The following BAIAP2L1 variants were observed in gnomAD, a reference collection of about 807,000 sequenced individuals.
The protein encoded by BAIAP2L1 is BAR/IMD domain-containing adapter protein 2-like 1.
Under a neutral mutation model 66.3 loss-of-function variants are expected in BAIAP2L1, and 35 were observed. That is an observed-to-expected ratio of 0.53 (90% CI 0.40 to 0.70). The LOEUF (loss-of-function observed/expected upper bound fraction) is 0.70, where lower values mean the gene tolerates loss of function less well. Among genes scored for constraint, BAIAP2L1 ranks in the 30% least tolerant of loss-of-function variants. The probability of loss-of-function intolerance (pLI) is 0.00; values close to 1 mark genes in which losing one functional copy is unlikely to be tolerated. For missense variants in BAIAP2L1, 622 were observed against 656.9 expected (o/e 0.95, Z 0.58); for synonymous variants, 269 against 248.7 (o/e 1.08, Z -0.77).
intron 3 of BAIAP2L1, among the ~76,000 whole-genome samples, chr7:98,348,677 T>C (rs1801931542): frequency 6.6e-6 from 1 of 152,174 alleles, no homozygotes. Context: ...GTTTTTAAAT[T>C]CTGAAATATT....
At chr7:98,371,442 T>C (rs1026014709) in intron 1 of BAIAP2L1, among the ~76,000 whole-genome samples, 1 of 152,192 alleles carries the variant, frequency 6.6e-6, no homozygotes, top group Non-Finnish European at 1.5e-5. Context: ...GGAAAATTAG[T>C]GATTAGCTAT....
intron 2 of BAIAP2L1, among the ~76,000 whole-genome samples, chr7:98,361,960 G>GA (rs1306872488): frequency 2.0e-5 from 3 of 151,800 alleles, no homozygotes; most frequent in Non-Finnish European, 2.9e-5. Flanking sequence ...ACACATCGGG[G>GA]AAAAAAAGAT....
rs1382023906 is a variant in BAIAP2L1, at chr7:98,400,417, G to A, written c.51+385C>T. ...GACAGGGGAGGAGGGGGAGACACAC[G>A]GGGGAGAAGGAAGAACCAGGAGGAG... On this transcript the variant is annotated intron_variant, in intron 1 of 13. Transcript: ENST00000005260. 48 of 218,252 alleles carry A rather than the reference G, an allele frequency of 2.2e-4. 1 individual carries two copies. Among genetic ancestry groups the A allele is most frequent in the South Asian group, 1.5e-3 (44 of 29,062 alleles). 13.5% of individuals were successfully genotyped at this position (218,252 alleles called of 1,614,324 possible).
intron 1 of BAIAP2L1, among the ~76,000 whole-genome samples, chr7:98,371,116 G>A (rs1802502428): frequency 6.6e-6 from 1 of 152,056 alleles, no homozygotes; most frequent in South Asian, 2.1e-4. Context: ...TTTAAGTTTG[G>A]CACTAAGAAT....
At chr7:98,350,677 A>T (rs1161790938) in intron 3 of BAIAP2L1, among the ~76,000 whole-genome samples, 1 of 152,046 alleles carries the variant, frequency 6.6e-6, no homozygotes, top group Non-Finnish European at 1.5e-5. Context: ...AAACAAAAAT[A>T]AAAAAACAAA....
Position 98,339,891 on chromosome 7 carries a change from C to T in BAIAP2L1, c.214+15151G>A, listed in dbSNP as rs111301129. 1.6e-4 allele frequency among the ~76,000 whole-genome samples: 25 copies of T among 152,304 alleles called. 1 individual carries two copies. The highest frequency in any genetic ancestry group is 6.0e-4 in the African/African-American group (25 of 41,562). On this transcript the variant is annotated intron_variant, in intron 3 of 13. Coordinates refer to ENST00000005260, the MANE Select transcript of BAIAP2L1 (RefSeq NM_018842.5). ...GATGGTGATGATGGCAGAGGCACAG[C>T]CCCAGGTCCTTTGCGCCACCCCCCC... is the stretch of plus-strand genomic sequence containing the variant.
intron 1 of BAIAP2L1, among the ~76,000 whole-genome samples, chr7:98,368,941 G>A (rs979620867): frequency 6.6e-6 from 1 of 151,574 alleles, no homozygotes; most frequent in African/African-American, 2.4e-5. Context: ...TCGCATACAG[G>A]TTTTTATGTG....
At chr7:98,397,757 G>A (rs1803250433) in intron 1 of BAIAP2L1, among the ~76,000 whole-genome samples, 1 of 152,168 alleles carries the variant, frequency 6.6e-6, no homozygotes. Flanking sequence ...GCAAGCTTTT[G>A]AGGGCAAATT....
intron 2 of BAIAP2L1, among the ~76,000 whole-genome samples, chr7:98,359,748 T>TTG (rs1193073488): frequency 1.2e-4 from 17 of 145,994 alleles, no homozygotes; most frequent in African/African-American, 3.5e-4. Context: ...GACCTGGGTT[T>TTG]TTTTTTTTTT....
At chr7:98,386,629 T>G in intron 1 of BAIAP2L1, 1 of 1,467,330 alleles carries the variant, frequency 6.8e-7, no homozygotes, top group East Asian at 2.3e-5. Context: ...ATTTCTACAA[T>G]GTTCTTTCCG....
chr7:98,317,184 A>C (rs1801100845), intron 6 of BAIAP2L1, 35 bp downstream of exon 6: 5 of 1,613,816 alleles, frequency 3.1e-6, no homozygotes, highest in Non-Finnish European at 4.2e-6. Context: ...AATTGTCAAC[A>C]ACAAAAGAAA....
Position 98,312,198 on chromosome 7 carries a change from G to C in BAIAP2L1, c.706C>G (p.Pro236Ala). Reference protein sequence around the residue: ...QETCVDAIKVPEKIMNMIEEI... With the variant: ...QETCVDAIKVAEKIMNMIEEI... ...TCGATCATATTCATGATTTTCTCTG[G>C]CACTTTGATGGCATCAACACAGGTC... The change falls in exon 8 of 14, where the codon CCA becomes GCA. Residue 236 changes from proline to alanine, a missense_variant. Coordinates refer to ENST00000005260, the MANE Select transcript of BAIAP2L1 (RefSeq NM_018842.5). The C allele has an allele frequency of 6.2e-7, 1 of 1,614,044 alleles. No individual in the cohort carries two copies. Among genetic ancestry groups the C allele is most frequent in the Non-Finnish European group, 8.5e-7 (1 of 1,179,988 alleles).
intron 4 of BAIAP2L1, 29 bp downstream of exon 4, chr7:98,320,208 T>C (rs770179755): frequency 1.3e-6 from 2 of 1,594,502 alleles, no homozygotes; most frequent in Non-Finnish European, 1.7e-6. Flanking sequence ...AATGAGTGTA[T>C]TTTGTAAATA....
At chr7:98,353,090 C>T (rs1802035228) in intron 3 of BAIAP2L1, among the ~76,000 whole-genome samples, 1 of 151,900 alleles carries the variant, frequency 6.6e-6, no homozygotes, top group South Asian at 2.1e-4. Context: ...ATTCATTGTG[C>T]TTAGAACAGA....
At chr7:98,322,461 C>T (rs146000484) in intron 3 of BAIAP2L1, among the ~76,000 whole-genome samples, 111 of 152,282 alleles carry the variant, frequency 7.3e-4, no homozygotes, top group African/African-American at 2.4e-3. Flanking sequence ...ATCAACTTCT[C>T]GCCCATGTGT....
intron 1 of BAIAP2L1, among the ~76,000 whole-genome samples, chr7:98,365,084 T>A (rs1170977255): frequency 2.0e-5 from 3 of 148,878 alleles, no homozygotes; most frequent in Non-Finnish European, 4.5e-5. Context: ...TCTTCCTATG[T>A]GACTTTTTTT....
intron 1 of BAIAP2L1, among the ~76,000 whole-genome samples, chr7:98,378,059 G>A (rs1802674861): frequency 6.6e-6 from 1 of 151,380 alleles, no homozygotes; most frequent in Non-Finnish European, 1.5e-5. Flanking sequence ...TGAGACAGGA[G>A]AATCGCTTGA....
At chr7:98,317,176 T>C (rs1348308306) in intron 6 of BAIAP2L1, 43 bp downstream of exon 6, 2 of 1,613,102 alleles carry the variant, frequency 1.2e-6, no homozygotes, top group South Asian at 1.1e-5. Context: ...ACTGTGCAAA[T>C]TGTCAACAAC....
In BAIAP2L1 at chr7:98,293,457, A is replaced by T; in HGVS notation, c.*64T>A. The T allele has an allele frequency of 6.8e-7, 1 of 1,462,042 alleles. No individual in the cohort carries two copies. The highest frequency in any genetic ancestry group is 9.6e-7 in the Non-Finnish European group (1 of 1,045,522). 90.6% of individuals were successfully genotyped at this position (1,462,042 alleles called of 1,614,324 possible). On this transcript the variant is annotated 3_prime_UTR_variant, in exon 14 of 14. Coordinates refer to ENST00000005260, the MANE Select transcript of BAIAP2L1 (RefSeq NM_018842.5). ...TCCCGACCGTCAGCACGTGGCAGAC[A>T]GGATGCGCCCATCATTCCGCAAGGG...
Sources: gnomAD v4.1 joint callset for allele counts (sites outside exome capture counted in the v4.1 genomes callset) on GRCh38, gnomAD v4.1.1 for gene constraint, MANE v1.5 for transcripts, NCBI Gene and HGNC (gene_info 2026-07-23, HGNC 2026-07-21) for gene names.